The following RHO variants were observed in gnomAD, a reference collection of about 807,000 sequenced individuals.
RHO encodes opsin 2, rod pigment.
RHO carries 21 observed loss-of-function variants against 31.2 expected under a neutral mutation model. The ratio of observed to expected loss-of-function variants is 0.67; its 90% CI spans 0.48 to 0.97. The LOEUF (loss-of-function observed/expected upper bound fraction) is 0.97. Ranked by LOEUF, RHO falls within the 50% of genes least tolerant of loss-of-function variation. The probability of loss-of-function intolerance (pLI) is 0.00; values close to 1 mark genes in which losing one functional copy is unlikely to be tolerated. For missense variants in RHO, 414 were observed against 479.5 expected (o/e 0.86, Z 1.28); for synonymous variants, 211 against 196.6 (o/e 1.07, Z -0.61).
intron 4 of RHO, 95 bp from the exon 5 acceptor site, chr3:129,533,513 A>G (rs553775083): frequency 1.1e-6 from 1 of 926,906 alleles, no homozygotes; most frequent in East Asian, 2.4e-5. Context: ...TGAGGGGCAG[A>G]AGCAGGCAAA....
intron 2 of RHO, among the ~76,000 whole-genome samples, chr3:129,531,264 C>T (rs938152581): frequency 2.0e-5 from 3 of 152,218 alleles, no homozygotes; most frequent in Admixed American, 6.5e-5. Context: ...AAACAGAATC[C>T]AAGACATCCC....
In RHO at chr3:129,532,421, G is replaced by A. The variant is rs376802160; in HGVS notation, c.696+5G>A. 1.1e-4 allele frequency: 180 copies of A among 1,613,788 alleles called. No individual in the cohort carries two copies. Among genetic ancestry groups the A allele is most frequent in the Non-Finnish European group, 1.4e-4 (169 of 1,180,022 alleles). On this transcript the variant is annotated splice_donor_5th_base_variant and intron_variant, in intron 3 of 4. Coordinates refer to ENST00000296271, the MANE Select transcript of RHO (RefSeq NM_000539.3). The surrounding 1 kb of genome is among the most constrained non-coding windows in gnomAD (Gnocchi z 5.5). ...CTCGTCTTCACCGTCAAGGAGGTAC[G>A]GGCCGGGGGGTGGGCGGCCTCACGG...
chr3:129,531,753 A>G (rs1000193322), intron 2 of RHO, among the ~76,000 whole-genome samples: 5 of 152,184 alleles, frequency 3.3e-5, no homozygotes, highest in African/African-American at 1.2e-4. Context: ...TGTCACCAAT[A>G]TCAGGAACCA....
At chr3:129,530,814 G>C (rs764208456) in intron 1 of RHO, 62 bp from the exon 2 acceptor site, 101 of 1,606,974 alleles carry the variant, frequency 6.3e-5, no homozygotes, top group South Asian at 2.1e-4. Context: ...CCCTGTCTAG[G>C]GGGGAGTGCA....
Position 129,534,799 on chromosome 3 carries a change from T to C in RHO, c.*1081T>C, listed in dbSNP as rs970072766. 1.3e-5 allele frequency: 2 copies of C among 152,664 alleles called. No individual in the cohort carries two copies. Among genetic ancestry groups the C allele is most frequent in the African/African-American group, 2.4e-5 (1 of 41,438 alleles). 9.5% of individuals were successfully genotyped at this position (152,664 alleles called of 1,614,324 possible). On this transcript the variant is annotated 3_prime_UTR_variant, in exon 5 of 5. Coordinates refer to ENST00000296271, the MANE Select transcript of RHO (RefSeq NM_000539.3). ...CCCAGCATCTAGAGCATGGAGCCTC[T>C]AGAAGCCATGCTCACCCGCCCACAT...
rs1245030121 is a variant in RHO, at chr3:129,528,823, C to T, written c.90C>T (p.Tyr30=). ...GCCCCTTCGAGTACCCACAGTACTA[C>T]CTGGCTGAGCCATGGCAGTTCTCCA... ...VRSPFEYPQY[Y]LAEPWQFSML... Residue 30 remains tyrosine, a synonymous_variant, in exon 1 of 5, where the codon TAC becomes TAT. Transcript: ENST00000296271. The T allele has an allele frequency of 6.2e-7, 1 of 1,614,246 alleles. No individual in the cohort carries two copies. The highest frequency in any genetic ancestry group is 8.5e-7 in the Non-Finnish European group (1 of 1,180,050).
intron 1 of RHO, 64 bp from the exon 2 acceptor site, chr3:129,530,812 A>AG (rs912562061): frequency 2.7e-5 from 44 of 1,603,238 alleles, no homozygotes; most frequent in Non-Finnish European, 3.5e-5. Context: ...CTCCCTGTCT[A>AG]GGGGGGAGTG....
rs2084804732 is a variant in RHO, at chr3:129,534,179, T to G, written c.*461T>G. 1 of 165,090 alleles carries G rather than the reference T, an allele frequency of 6.1e-6. No homozygotes were observed. Among genetic ancestry groups the G allele is most frequent in the Admixed American group, 5.6e-5 (1 of 17,912 alleles). The allele number at this position is 165,090 out of a possible 1,614,324, so 10.2% of individuals were successfully genotyped here. ...CCCTCGCAGCAGCAGCAACTCATAC[T>G]TGGCTAATGATATGGAGCAGTTGTT... On this transcript the variant is annotated 3_prime_UTR_variant, in exon 5 of 5. Transcript: ENST00000296271.
At position 129,534,069 on chromosome 3, in the gene RHO, A is replaced by G. The variant is rs2108750922; in HGVS notation, c.*351A>G. ...AAGTGTCTAGCACAGAATGGGGCAC[A>G]CAGTAGGTGCTTAATAAATGCTGGA... On this transcript the variant is annotated 3_prime_UTR_variant, in exon 5 of 5. Transcript: ENST00000296271. 3.6e-6 allele frequency: 1 copy of G among 278,398 alleles called. No individual in the cohort carries two copies. The highest frequency in any genetic ancestry group is 4.9e-5 in the Admixed American group (1 of 20,530). The allele number at this position is 278,398 out of a possible 1,614,324, so 17.2% of individuals were successfully genotyped here. A position where few individuals can be genotyped will look rare whatever the true frequency, so the allele number is the denominator to read the frequency against.
chr3:129,530,533 A>ACACACACAACACAC (rs1553781099), intron 1 of RHO, among the ~76,000 whole-genome samples: 11 of 122,916 alleles, frequency 8.9e-5, no homozygotes, highest in African/African-American at 4.1e-4. Context: ...ACACACACAC[A>ACACACACAACACAC]ACACACACAC....
chr3:129,530,855 C>A, intron 1 of RHO, 21 bp from the exon 2 acceptor site: 1 of 1,614,202 alleles, frequency 6.2e-7, no homozygotes, highest in Non-Finnish European at 8.5e-7. Context: ...CTGTGCTGAC[C>A]GCCTGCTGAC....
chr3:129,530,800 C>G, intron 1 of RHO, 76 bp from the exon 2 acceptor site: 2 of 1,588,308 alleles, frequency 1.3e-6, no homozygotes, highest in South Asian at 1.1e-5. Context: ...CCTAGCTACC[C>G]TCTCCCTGTC....
At position 129,532,710 on chromosome 3, in the gene RHO, G is replaced by A. The variant is rs2084792892; in HGVS notation, c.874G>A (p.Ala292Thr). 6.2e-7 allele frequency: 1 copy of A among 1,614,214 alleles called. No homozygotes were observed. The highest frequency in any genetic ancestry group is 1.3e-5 in the African/African-American group (1 of 75,048). The change falls in exon 4 of 5, where the codon GCG (alanine) becomes ACG (threonine). Residue 292 changes from alanine (A) to threonine (T), a missense_variant. By Grantham distance (58) the Ala-to-Thr change is moderately conservative (BLOSUM62 0). Coordinates refer to ENST00000296271, the MANE Select transcript of RHO (RefSeq NM_000539.3). The surrounding 1 kb of genome is among the most constrained non-coding windows in gnomAD (Gnocchi z 5.5). ...NFGPIFMTIP[A>T]FFAKSAAIYN... Reference sequence around the variant, plus strand: ...CGGTCCCATCTTCATGACCATCCCAGCGTTCTTTGCCAAGAGCGCCGCCAT... The same window carrying A: ...CGGTCCCATCTTCATGACCATCCCAACGTTCTTTGCCAAGAGCGCCGCCAT...
Position 129,532,341 on chromosome 3 carries a change from G to A in RHO, c.621G>A (p.Met207Ile). The stretch of plus-strand genomic sequence containing the variant: ...ACAACGAGTCTTTTGTCATCTACAT[G>A]TTCGTGGTCCACTTCACCATCCCCA... ...EVNNESFVIYMFVVHFTIPMI... is the reference protein window; with the variant it reads ...EVNNESFVIYIFVVHFTIPMI... Residue 207 changes from methionine (M) to isoleucine (I), a missense_variant, in exon 3 of 5, where the codon ATG becomes ATA. Physicochemically the swap from Met to Ile is conservative, Grantham distance 10. Coordinates refer to ENST00000296271, the MANE Select transcript of RHO (RefSeq NM_000539.3). This position sits in a 1 kb window ranked among gnomAD's most constrained non-coding sequence, Gnocchi z 5.5. 2 of 1,613,944 alleles carry A rather than the reference G, an allele frequency of 1.2e-6. No individual in the cohort carries two copies. Among genetic ancestry groups the A allele is most frequent in the East Asian group, 4.5e-5 (2 of 44,872 alleles).
rs143559914 is a variant in RHO at position 129,528,942 on chromosome 3, C to T, written c.209C>T (p.Thr70Met). The T allele has an allele frequency of 6.4e-5, 103 of 1,614,236 alleles. No individual in the cohort carries two copies. The highest frequency in any genetic ancestry group is 5.5e-4 in the Admixed American group (33 of 60,038). ...YVTVQHKKLRTPLNYILLNLA... is the reference protein window; with the variant it reads ...YVTVQHKKLRMPLNYILLNLA... ...ACCGTCCAGCACAAGAAGCTGCGCA[C>T]GCCTCTCAACTACATCCTGCTCAAC... Residue 70 changes from threonine to methionine, a missense_variant, in exon 1 of 5, where the codon ACG (threonine) becomes ATG (methionine). Thr to Met is a moderately conservative substitution (Grantham distance 81, BLOSUM62 -1). Coordinates refer to ENST00000296271, the MANE Select transcript of RHO (RefSeq NM_000539.3).
rs142322202 is a variant in RHO, at chr3:129,533,692, G to A, written c.1021G>A (p.Glu341Lys). ...GGCCTCTGCTACCGTGTCCAAGACG[G>A]AGACGAGCCAGGTGGCCCCGGCCTA... ...DEASATVSKTETSQVAPA is the reference protein window; with the variant it reads ...DEASATVSKTKTSQVAPA Residue 341 changes from glutamate to lysine, a missense_variant, in exon 5 of 5, where the codon GAG (glutamate) becomes AAG (lysine). Physicochemically the swap from Glu to Lys is moderately conservative, Grantham distance 56. Coordinates refer to ENST00000296271, the MANE Select transcript of RHO (RefSeq NM_000539.3). 2.4e-5 allele frequency: 38 copies of A among 1,614,068 alleles called. No individual in the cohort carries two copies. Among genetic ancestry groups the A allele is most frequent in the Non-Finnish European group, 3.1e-5 (36 of 1,179,978 alleles).
intron 2 of RHO, among the ~76,000 whole-genome samples, chr3:129,531,648 C>G (rs1327488625): frequency 1.3e-5 from 2 of 152,182 alleles, no homozygotes; most frequent in Non-Finnish European, 2.9e-5. Context: ...TGAGCCCACC[C>G]CCTGGACTTT....
At position 129,532,870 on chromosome 3, in the gene RHO, G is replaced by T; in HGVS notation, c.936+98G>T. The T allele has an allele frequency of 6.5e-7, 1 of 1,527,214 alleles. No individual in the cohort carries two copies. The highest frequency in any genetic ancestry group is 9.0e-7 in the Non-Finnish European group (1 of 1,114,236). The allele number at this position is 1,527,214 out of a possible 1,614,324, so 94.6% of individuals were successfully genotyped here. A position where few individuals can be genotyped will look rare whatever the true frequency, so the allele number is the denominator to read the frequency against. ...CAGGGCAGGGGAGGGGGCTCCATCA[G>T]GGTTACTGGCAGCAGTCTTGGGTCA... On this transcript the variant is annotated intron_variant, in intron 4 of 4. Coordinates refer to ENST00000296271, the MANE Select transcript of RHO (RefSeq NM_000539.3). This position sits in a 1 kb window ranked among gnomAD's most constrained non-coding sequence, Gnocchi z 5.5.
At chr3:129,529,571 G>T (rs1244509367) in intron 1 of RHO, among the ~76,000 whole-genome samples, 2 of 152,172 alleles carry the variant, frequency 1.3e-5, no homozygotes, top group Non-Finnish European at 2.9e-5. Flanking sequence ...GCTCAGGGTG[G>T]GAAGTGGATT....
Sources: allele counts gnomAD v4.1 joint callset (sites outside exome capture counted in the v4.1 genomes callset), GRCh38; gene constraint gnomAD v4.1.1; non-coding constraint Gnocchi (gnomAD v3.1); transcripts MANE v1.5; gene names NCBI Gene and HGNC (gene_info 2026-07-23, HGNC 2026-07-21).